ALKBH7: variants seen among roughly 807,000 people sequenced by gnomAD.
The protein encoded by ALKBH7 is alkB homolog 7, RNA demethylase.
ALKBH7 carries 21 observed loss-of-function variants against 19.3 expected under a neutral mutation model. That is an observed-to-expected ratio of 1.09 (90% CI 0.77 to 1.56). ALKBH7 has a LOEUF of 1.56. Among genes scored for constraint, ALKBH7 ranks in the 40% most tolerant of loss-of-function variants. The pLI is 0.00. For missense variants in ALKBH7, 354 were observed against 311.4 expected (o/e 1.14, Z -1.03); for synonymous variants, 147 against 139.5 (o/e 1.05, Z -0.38).
chr19:6,374,486 G>C lies in ALKBH7; in HGVS notation c.400G>C (p.Gly134Arg). The change falls in exon 3 of 4, where the codon GGC becomes CGC. Residue 134 changes from glycine (G) to arginine (R), a missense_variant. Physicochemically the swap from Gly to Arg is moderately radical, Grantham distance 125 (BLOSUM62 -2). Transcript: ENST00000245812. ...SIKFCGATIA[G>R]LSLLSPSVMR... Reference sequence around the variant, plus strand: ...GCAGTTCTGCGGGGCCACCATCGCCGGCCTGTCTCTCCTGTCTCCCAGCGT... The same window carrying C: ...GCAGTTCTGCGGGGCCACCATCGCCCGCCTGTCTCTCCTGTCTCCCAGCGT... The C allele has an allele frequency of 6.2e-7, 1 of 1,613,954 alleles. No homozygotes were observed. The highest frequency in any genetic ancestry group is 1.3e-5 in the African/African-American group (1 of 75,022).
At chr19:6,373,915 A>T (rs2091906482) in intron 1 of ALKBH7, 1 of 984,972 alleles carries the variant, frequency 1.0e-6, no homozygotes, top group South Asian at 4.7e-5. Context: ...TGATGTTGAG[A>T]GACAGAGACA....
chr19:6,372,882 C>T lies in ALKBH7; in HGVS notation c.62C>T (p.Ser21Leu), dbSNP rs776023320. 1.5e-5 allele frequency: 24 copies of T among 1,550,428 alleles called. No homozygotes were observed. The South Asian group carries it at 2.4e-4, about 15-fold the overall frequency. The stretch of plus-strand genomic sequence containing the variant: ...CCAGGGCCCAGCTGGGTGCGAGGCT[C>T]GGGCCCTTCCGTGCTGAGCCGCCTG... The part of the protein sequence containing the change: ...TLPGPSWVRG[S>L]GPSVLSRLQD... The change falls in exon 1 of 4, where the codon TCG (serine) becomes TTG (leucine). Residue 21 changes from serine to leucine, a missense_variant. Physicochemically the swap from Ser to Leu is moderately radical, Grantham distance 145 (BLOSUM62 -2). Transcript: ENST00000245812.
intron 1 of ALKBH7, 47 bp from the exon 2 acceptor site, chr19:6,374,156 C>T: frequency 6.3e-7 from 1 of 1,593,988 alleles, no homozygotes; most frequent in South Asian, 1.1e-5. Flanking sequence ...CCTCAGTTTC[C>T]TTGTTCCCTC....
At chr19:6,373,563 C>A in intron 1 of ALKBH7, 1 of 1,025,618 alleles carries the variant, frequency 9.8e-7, no homozygotes, top group Non-Finnish European at 1.2e-6. Flanking sequence ...GTCAGGTCGT[C>A]GAGCGCATGG....
At chr19:6,373,103 C>T (rs1218497416) in intron 1 of ALKBH7, 79 bp downstream of exon 1, 8 of 1,471,378 alleles carry the variant, frequency 5.4e-6, no homozygotes, top group Non-Finnish European at 7.2e-6. Flanking sequence ...TCAGATGGGG[C>T]GGGGACACGC....
intron 1 of ALKBH7, chr19:6,373,492 G>T: frequency 1.8e-6 from 1 of 569,464 alleles, no homozygotes; most frequent in Non-Finnish European, 2.7e-6. Context: ...TAGGGTTGGG[G>T]TGCGATTACG....
chr19:6,374,092 G>C, intron 1 of ALKBH7, 111 bp from the exon 2 acceptor site: 1 of 1,558,768 alleles, frequency 6.4e-7, no homozygotes, highest in African/African-American at 1.4e-5. Flanking sequence ...GTTGAGGGCA[G>C]GGTCAAGAGT....
At chr19:6,373,699 T>C in intron 1 of ALKBH7, 1 of 1,235,784 alleles carries the variant, frequency 8.1e-7, no homozygotes, top group East Asian at 3.2e-5. Context: ...GGGGCGGAGA[T>C]AGGGGAGACA....
rs1027277103 is a variant in ALKBH7, at chr19:6,373,943, C to T, written c.205-260C>T. ...CAGAGACAGGACACTTGGGTGGGGT[C>T]AAGTTGTAGGGAGATTCAGCCAATT... On this transcript the variant is annotated intron_variant, in intron 1 of 3. Coordinates refer to ENST00000245812, the MANE Select transcript of ALKBH7 (RefSeq NM_032306.4). The T allele has an allele frequency of 1.0e-5, 10 of 984,748 alleles. No homozygotes were observed. In the African/African-American group the frequency reaches 1.8e-4, roughly 17 times the overall value. 61.0% of individuals were successfully genotyped at this position (984,748 alleles called of 1,614,324 possible). A position where few individuals can be genotyped will look rare whatever the true frequency, so the allele number is the denominator to read the frequency against.
chr19:6,373,832 G>A lies in ALKBH7; in HGVS notation c.205-371G>A, dbSNP rs979139832. 29 of 1,298,210 alleles carry A rather than the reference G, an allele frequency of 2.2e-5. No homozygotes were observed. In the African/African-American group the frequency reaches 3.6e-4, roughly 16 times the overall value. The allele number at this position is 1,298,210 out of a possible 1,614,324, so 80.4% of individuals were successfully genotyped here. A position where few individuals can be genotyped will look rare whatever the true frequency, so the allele number is the denominator to read the frequency against. On this transcript the variant is annotated intron_variant, in intron 1 of 3. Transcript: ENST00000245812. The stretch of plus-strand genomic sequence containing the variant: ...GGAGGGGCGGGACCTGGGGGATGAG[G>A]ACCTTGGGGTCAGGGAGAGCACTTT...
chr19:6,374,058 A>G, intron 1 of ALKBH7, 145 bp from the exon 2 acceptor site: 1 of 1,493,188 alleles, frequency 6.7e-7, no homozygotes. Context: ...GTAGGGCCAT[A>G]GTTGAGGGGC....
chr19:6,374,009 A>G (rs1220625504), intron 1 of ALKBH7, 194 bp from the exon 2 acceptor site: 1 of 984,970 alleles, frequency 1.0e-6, no homozygotes. Flanking sequence ...CTGGAATTGT[A>G]GCCTCAGGGT....
In ALKBH7 at chr19:6,374,936, G is replaced by A. The variant is rs1257166755; in HGVS notation, c.629G>A (p.Gly210Glu). 2 of 1,611,592 alleles carry A rather than the reference G, an allele frequency of 1.2e-6. No homozygotes were observed. The highest frequency in any genetic ancestry group is 1.1e-5 in the South Asian group (1 of 90,916). ...TGCCGCTCCCTCCCTGAGGGCATGG[G>A]GCCAGGGGAGTCTGGACAGCCGCCC... ...VICRSLPEGM[G>E]PGESGQPPPA... The change falls in exon 4 of 4, where the codon GGG becomes GAG. Residue 210 changes from glycine to glutamate, a missense_variant. Gly to Glu is a moderately conservative substitution (Grantham distance 98). Coordinates refer to ENST00000245812, the MANE Select transcript of ALKBH7 (RefSeq NM_032306.4).
Position 6,374,310 on chromosome 19 carries a change from C to T in ALKBH7, c.312C>T (p.Leu104=). 2 of 1,613,020 alleles carry T rather than the reference C, an allele frequency of 1.2e-6. No homozygotes were observed. Among genetic ancestry groups the T allele is most frequent in the Non-Finnish European group, 8.5e-7 (1 of 1,179,740 alleles). ...CCTTTGGCCCCGGCCAGACCCTGCT[C>T]TCCTCCGTGCACGTGCTGGACCTGG... ...AAAFGPGQTL[L]SSVHVLDLEA... The change falls in exon 2 of 4, where the codon CTC becomes CTT. Residue 104 remains leucine, a synonymous_variant. Transcript: ENST00000245812.
At chr19:6,374,767 G>C in intron 3 of ALKBH7, 44 bp from the exon 4 acceptor site, 1 of 1,599,186 alleles carries the variant, frequency 6.3e-7, no homozygotes, top group Non-Finnish European at 8.5e-7. Flanking sequence ...CTGGAGCAGG[G>C]GCTGCCCTCC....
chr19:6,374,437 C>T lies in ALKBH7; in HGVS notation c.379-28C>T, dbSNP rs201392547. 2.1e-5 allele frequency: 34 copies of T among 1,611,812 alleles called. No individual in the cohort carries two copies. In the African/African-American group the frequency reaches 3.3e-4, roughly 16 times the overall value. ...GGGGGTAGGCAGGCCCGGTTAGATC[C>T]TGACCCATCCCCACGCCTCTTTTGC... On this transcript the variant is annotated intron_variant, in intron 2 of 3. Coordinates refer to ENST00000245812, the MANE Select transcript of ALKBH7 (RefSeq NM_032306.4).
Position 6,372,807 on chromosome 19 carries a change from C to G in ALKBH7, c.-14C>G, listed in dbSNP as rs563075691. ...CCCCAACCCTGCCCTCTCTCATGACCCCGCTCCGGGATTATGGCCGGGACT... is the reference window on the plus strand; with the variant it reads ...CCCCAACCCTGCCCTCTCTCATGACGCCGCTCCGGGATTATGGCCGGGACT... On this transcript the variant is annotated 5_prime_UTR_variant, in exon 1 of 4. Transcript: ENST00000245812. The G allele has an allele frequency of 1.0e-4, 161 of 1,539,510 alleles. No homozygotes were observed. In the African/African-American group the frequency reaches 1.9e-3, roughly 18 times the overall value.
chr19:6,373,845 G>A, intron 1 of ALKBH7: 1 of 1,313,192 alleles, frequency 7.6e-7, no homozygotes, highest in Non-Finnish European at 9.6e-7. Context: ...CTTGGGGTCA[G>A]GGAGAGCACT....
At position 6,374,034 on chromosome 19, in the gene ALKBH7, G is replaced by A. The variant is rs1009812823; in HGVS notation, c.205-169G>A. ...AGCCTCAGGGTGAGTACTAAGGACT[G>A]AGGTCACACCTAGGTAGGGCCATAG... On this transcript the variant is annotated intron_variant, in intron 1 of 3. Transcript: ENST00000245812. 5.1e-6 allele frequency: 5 copies of A among 985,100 alleles called. No individual in the cohort carries two copies. The African/African-American group carries it at 8.8e-5, about 17-fold the overall frequency. 61.0% of individuals were successfully genotyped at this position (985,100 alleles called of 1,614,324 possible). A position where few individuals can be genotyped will look rare whatever the true frequency, so the allele number is the denominator to read the frequency against.
Sources: gnomAD v4.1 joint callset for allele counts on GRCh38, gnomAD v4.1.1 for gene constraint, MANE v1.5 for transcripts, NCBI Gene and HGNC (gene_info 2026-07-23, HGNC 2026-07-21) for gene names.